The following ROR1 variants were observed in gnomAD, a reference collection of about 807,000 sequenced individuals.
ROR1 encodes inactive tyrosine-protein kinase transmembrane receptor ROR1.
ROR1 carries 19 observed loss-of-function variants against 78.8 expected under a neutral mutation model. That is an observed-to-expected ratio of 0.24 (90% CI 0.17 to 0.35). The LOEUF (loss-of-function observed/expected upper bound fraction) is 0.35, where lower values mean the gene tolerates loss of function less well. ROR1 is among the 10% of genes least tolerant of loss of function. ROR1 has a pLI of 1.00. For missense variants in ROR1, 917 were observed against 1,177.8 expected, an observed-to-expected ratio of 0.78 and a Z score of 3.24; for synonymous variants, 386 against 433.6, an observed-to-expected ratio of 0.89 and a Z score of 1.36.
At chr1:64,096,924 T>C (rs1951920) in intron 4 of ROR1, among the ~76,000 whole-genome samples, 91,295 of 150,862 alleles carry the variant, frequency 0.61, 29,056 homozygotes, top group African/African-American at 0.81. Flanking sequence ...TTTTTTTTAA[T>C]AATAGCCATG....
At chr1:64,140,059 A>C (rs745804559) in intron 5 of ROR1, 50 bp from the exon 6 acceptor site, 1 of 1,551,570 alleles carries the variant, frequency 6.4e-7, no homozygotes, top group Non-Finnish European at 8.8e-7. Flanking sequence ...AGATAACCAA[A>C]GAAGATAAAC....
intron 1 of ROR1, among the ~76,000 whole-genome samples, chr1:63,823,800 G>C (rs12131674): frequency 9.4e-5 from 14 of 149,658 alleles, no homozygotes; most frequent in Non-Finnish European, 1.8e-4. Context: ...TCGATCTGTC[G>C]CCCAGGGTGC....
At chr1:64,152,678 G>A (rs897309901) in intron 7 of ROR1, among the ~76,000 whole-genome samples, 5 of 152,000 alleles carry the variant, frequency 3.3e-5, no homozygotes, top group Admixed American at 1.3e-4. Context: ...TAAAATTTCA[G>A]CTTCTGGTTT....
chr1:64,130,165 T>C (rs998895317), intron 4 of ROR1, among the ~76,000 whole-genome samples: 1 of 152,180 alleles, frequency 6.6e-6, no homozygotes, highest in African/African-American at 2.4e-5. Flanking sequence ...AAATTGCTTA[T>C]GCTTACAAAG....
intron 4 of ROR1, among the ~76,000 whole-genome samples, chr1:64,064,986 C>G (rs1349974257): frequency 1.3e-5 from 2 of 152,022 alleles, no homozygotes; most frequent in East Asian, 1.9e-4. Flanking sequence ...ATCATCATAC[C>G]CTTGCCCTTT....
At chr1:63,860,568 C>CAT (rs1645173504) in intron 1 of ROR1, among the ~76,000 whole-genome samples, 1 of 122,482 alleles carries the variant, frequency 8.2e-6, no homozygotes, top group African/African-American at 3.3e-5. Context: ...AAAATACACA[C>CAT]ACACACACAC....
At chr1:64,137,269 G>C in intron 4 of ROR1, 100 bp from the exon 5 acceptor site, 17 of 1,269,844 alleles carry the variant, frequency 1.3e-5, no homozygotes, top group South Asian at 5.5e-5. Flanking sequence ...GTGCCCAACT[G>C]TGCCCCCTAG....
At chr1:64,146,640 A>T (rs1649481409) in intron 7 of ROR1, among the ~76,000 whole-genome samples, 2 of 152,200 alleles carry the variant, frequency 1.3e-5, no homozygotes, top group South Asian at 4.1e-4. Flanking sequence ...ACTCTGATTC[A>T]AGGACTCAAG....
At chr1:63,776,155 G>T (rs991418739) in intron 1 of ROR1, among the ~76,000 whole-genome samples, 1 of 152,140 alleles carries the variant, frequency 6.6e-6, no homozygotes, top group South Asian at 2.1e-4. Context: ...TTTCCCCTGT[G>T]GACTCCTTTA....
chr1:63,956,710 A>C (rs1205677475), intron 1 of ROR1, among the ~76,000 whole-genome samples: 1 of 152,184 alleles, frequency 6.6e-6, no homozygotes, highest in Non-Finnish European at 1.5e-5. Flanking sequence ...TTTAAAACTT[A>C]AGTTTTTAAA....
At chr1:63,916,975 C>T (rs913204529) in intron 1 of ROR1, among the ~76,000 whole-genome samples, 3 of 152,212 alleles carry the variant, frequency 2.0e-5, no homozygotes, top group Non-Finnish European at 4.4e-5. Flanking sequence ...GCCTCAGGGC[C>T]TTTGCTGTCC....
At chr1:63,882,381 G>A (rs1448257378) in intron 1 of ROR1, among the ~76,000 whole-genome samples, 1 of 152,156 alleles carries the variant, frequency 6.6e-6, no homozygotes, top group Admixed American at 6.6e-5. Context: ...GCACCCTTTA[G>A]AGCTCTGGCC....
At chr1:63,783,141 G>T (rs1378280309) in intron 1 of ROR1, among the ~76,000 whole-genome samples, 1 of 152,174 alleles carries the variant, frequency 6.6e-6, no homozygotes, top group Non-Finnish European at 1.5e-5. Flanking sequence ...ATCTCCAGGG[G>T]ATGGGAGAGT....
intron 1 of ROR1, among the ~76,000 whole-genome samples, chr1:63,941,642 G>A (rs1162299851): frequency 1.3e-5 from 2 of 152,128 alleles, no homozygotes; most frequent in South Asian, 2.1e-4. Context: ...TGCATGACAG[G>A]TATTCTAACT....
At chr1:64,040,702 AG>A (rs920332630) in intron 2 of ROR1, among the ~76,000 whole-genome samples, 2 of 152,176 alleles carry the variant, frequency 1.3e-5, no homozygotes, top group Non-Finnish European at 2.9e-5. Flanking sequence ...TAGGAGAGGC[AG>A]GGGATGTCCC....
intron 4 of ROR1, among the ~76,000 whole-genome samples, chr1:64,051,589 G>A (rs1004725866): frequency 6.6e-6 from 1 of 152,092 alleles, no homozygotes; most frequent in Non-Finnish European, 1.5e-5. Context: ...TGAGTCCCTC[G>A]TTAATGGAGT....
At chr1:64,002,369 T>C (rs1646391822) in intron 1 of ROR1, among the ~76,000 whole-genome samples, 1 of 152,154 alleles carries the variant, frequency 6.6e-6, no homozygotes, top group Admixed American at 6.5e-5. Context: ...CCTGACCTTG[T>C]GATCCTAGCC....
chr1:64,156,326 T>C (rs1319242448), intron 7 of ROR1, among the ~76,000 whole-genome samples: 1 of 152,224 alleles, frequency 6.6e-6, no homozygotes, highest in African/African-American at 2.4e-5. Flanking sequence ...AGGTGATTCC[T>C]TTCTGTCTAT....
chr1:63,870,189 C>T (rs919426363), intron 1 of ROR1, among the ~76,000 whole-genome samples: 4 of 152,174 alleles, frequency 2.6e-5, no homozygotes, highest in African/African-American at 9.7e-5. Flanking sequence ...GTGTTCTGTT[C>T]TCCCCATTCT....
Sources: allele counts gnomAD v4.1 joint callset (sites outside exome capture counted in the v4.1 genomes callset), GRCh38; gene constraint gnomAD v4.1.1; transcripts MANE v1.5; gene names NCBI Gene and HGNC (gene_info 2026-07-23, HGNC 2026-07-21).